MGAT4C: variants seen among roughly 807,000 people sequenced by gnomAD.
MGAT4C encodes alpha-1,3-mannosyl-glycoprotein 4-beta-N-acetylglucosaminyltransferase C.
A neutral mutation model predicts 40.1 loss-of-function variants in MGAT4C; 19 were observed. The ratio of observed to expected loss-of-function variants is 0.47; its 90% CI spans 0.33 to 0.70. The LOEUF (loss-of-function observed/expected upper bound fraction) is 0.70. Among genes scored for constraint, MGAT4C ranks in the 30% least tolerant of loss-of-function variants. The pLI is 0.02. For synonymous variants in MGAT4C, 181 were observed against 187.1 expected (o/e 0.97, Z 0.27); for missense variants, 491 against 563.2 (o/e 0.87, Z 1.30).
At chr12:86,273,589 TGAGA>T (rs1952999754) in intron 4 of MGAT4C, among the ~76,000 whole-genome samples, 1 of 152,074 alleles carries the variant, frequency 6.6e-6, no homozygotes, top group African/African-American at 2.4e-5. Context: ...ACTATGAAAC[TGAGA>T]GATAAGAGAT....
intron 2 of MGAT4C, among the ~76,000 whole-genome samples, chr12:86,634,303 T>G (rs1257921441): frequency 6.6e-6 from 1 of 152,120 alleles, no homozygotes; most frequent in Non-Finnish European, 1.5e-5. Flanking sequence ...TTGTGTAAAC[T>G]TCATGAGGTT....
Position 86,241,271 on chromosome 12 carries a change from T to C in MGAT4C, c.-57+14968A>G, listed in dbSNP as rs73387542. Among the ~76,000 whole-genome samples, 497 of 152,280 alleles carry C rather than the reference T, an allele frequency of 3.3e-3. 2 individuals carry two copies. The highest frequency in any genetic ancestry group is 0.012 in the African/African-American group (484 of 41,554). Reference sequence around the variant, plus strand: ...TCACTTTATGACTATACATGTATCATGCCCCACAATAAAATTAGTCCCTGG... The same window carrying C: ...TCACTTTATGACTATACATGTATCACGCCCCACAATAAAATTAGTCCCTGG... On this transcript the variant is annotated intron_variant, in intron 1 of 4. Transcript: ENST00000611864.
At chr12:86,537,137 C>T (rs547589614) in intron 2 of MGAT4C, among the ~76,000 whole-genome samples, 3 of 151,844 alleles carry the variant, frequency 2.0e-5, no homozygotes, top group South Asian at 2.1e-4. Flanking sequence ...AACCAAACAC[C>T]GCATGTTCTC....
intron 2 of MGAT4C, among the ~76,000 whole-genome samples, chr12:86,521,902 C>T (rs1958801221): frequency 6.6e-6 from 1 of 151,826 alleles, no homozygotes; most frequent in Non-Finnish European, 1.5e-5. Context: ...TGGCTATTGG[C>T]TAGATTGTTG....
intron 2 of MGAT4C, among the ~76,000 whole-genome samples, chr12:86,489,759 T>C (rs1020481371): frequency 6.6e-6 from 1 of 151,726 alleles, no homozygotes; most frequent in Non-Finnish European, 1.5e-5. Flanking sequence ...TGCAAAGGAG[T>C]TAAGAAATTA....
At chr12:86,732,666 C>T (rs1428981599) in intron 1 of MGAT4C, among the ~76,000 whole-genome samples, 1 of 152,036 alleles carries the variant, frequency 6.6e-6, no homozygotes, top group Non-Finnish European at 1.5e-5. Context: ...TGATGGGGAG[C>T]AGCTGTAAAT....
rs1964402551 is a variant in MGAT4C, at chr12:86,676,447, ACAAAAACATAC to A, written c.-229+50751_-229+50761del. Among the ~76,000 whole-genome samples the A allele has an allele frequency of 2.6e-5, 4 of 152,156 alleles. No homozygotes were observed. In the South Asian group the frequency reaches 8.3e-4, roughly 31 times the overall value. On this transcript the variant is annotated intron_variant, in intron 2 of 7. Transcript: ENST00000548651. ...GAATTAAATAATCTGAATTAGCAAA[ACAAAAACATAC>A]ACATAATCTACATTCCACACTCAGG...
At chr12:86,723,685 G>C (rs553269861) in intron 2 of MGAT4C, among the ~76,000 whole-genome samples, 3 of 151,944 alleles carry the variant, frequency 2.0e-5, no homozygotes, top group Non-Finnish European at 4.4e-5. Context: ...TATGGCATTG[G>C]GGAACAAATA....
chr12:86,315,240 TA>T (rs1293895100), intron 4 of MGAT4C, among the ~76,000 whole-genome samples: 3 of 151,616 alleles, frequency 2.0e-5, no homozygotes, highest in Admixed American at 6.6e-5. Context: ...TTGACAAAGT[TA>T]AAAAAAATAA....
chr12:86,711,796 C>A (rs1350194599), intron 2 of MGAT4C, among the ~76,000 whole-genome samples: 1 of 152,072 alleles, frequency 6.6e-6, no homozygotes, highest in African/African-American at 2.4e-5. Context: ...GAGCCAGACA[C>A]ACAATTTGAA....
chr12:86,402,996 T>G (rs1216504791), intron 3 of MGAT4C, among the ~76,000 whole-genome samples: 4 of 152,204 alleles, frequency 2.6e-5, no homozygotes, highest in Admixed American at 6.5e-5. Flanking sequence ...TTAACTAACA[T>G]GTTTTATGAC....
chr12:86,835,682 T>C (rs1334532326), intron 1 of MGAT4C, among the ~76,000 whole-genome samples: 1 of 152,034 alleles, frequency 6.6e-6, no homozygotes, highest in Non-Finnish European at 1.5e-5. Flanking sequence ...GATAACCGTA[T>C]AGAATATGCC....
intron 3 of MGAT4C, among the ~76,000 whole-genome samples, chr12:86,385,331 C>T (rs2136223465): frequency 6.6e-6 from 1 of 152,080 alleles, no homozygotes; most frequent in Non-Finnish European, 1.5e-5. Flanking sequence ...GAGGATAAAT[C>T]CTATTCCTCT....
intron 3 of MGAT4C, among the ~76,000 whole-genome samples, chr12:86,407,082 C>T (rs1356142550): frequency 6.6e-6 from 1 of 152,096 alleles, no homozygotes; most frequent in Non-Finnish European, 1.5e-5. Context: ...GCCATGAAGT[C>T]TCGCAGAACT....
At chr12:86,151,644 T>C (rs1884301943) in intron 1 of MGAT4C, among the ~76,000 whole-genome samples, 1 of 152,174 alleles carries the variant, frequency 6.6e-6, no homozygotes, top group African/African-American at 2.4e-5. Flanking sequence ...AGAGAATAAG[T>C]GAATGAACAC....
intron 2 of MGAT4C, among the ~76,000 whole-genome samples, chr12:86,609,915 G>T (rs1440098650): frequency 2.0e-5 from 3 of 151,996 alleles, no homozygotes; most frequent in African/African-American, 7.2e-5. Context: ...CACTGCTTTT[G>T]CAATCCATGA....
At chr12:86,602,343 ACTT>A (rs1961816251) in intron 2 of MGAT4C, among the ~76,000 whole-genome samples, 1 of 152,208 alleles carries the variant, frequency 6.6e-6, no homozygotes, top group Non-Finnish European at 1.5e-5. Context: ...ATAAGGTGGT[ACTT>A]CTTGTTAAAG....
chr12:86,448,198 C>T (rs139745984), intron 2 of MGAT4C, among the ~76,000 whole-genome samples: 2 of 152,206 alleles, frequency 1.3e-5, no homozygotes, highest in Middle Eastern at 3.4e-3. Context: ...AAGGATGGAG[C>T]CTGGGTTGCC....
chr12:86,447,980 T>C (rs1270704442), intron 2 of MGAT4C, among the ~76,000 whole-genome samples: 2 of 152,316 alleles, frequency 1.3e-5, no homozygotes, highest in African/African-American at 2.4e-5. Context: ...TGAGACCTTT[T>C]GCTGCATGCG....
Sources: allele counts gnomAD v4.1 joint callset (sites outside exome capture counted in the v4.1 genomes callset), GRCh38; gene constraint gnomAD v4.1.1; transcripts MANE v1.5; gene names NCBI Gene and HGNC (gene_info 2026-07-23, HGNC 2026-07-21).